Variants in ISLR2 observed in about 807,000 individuals in gnomAD.
The protein encoded by ISLR2 is immunoglobulin superfamily containing leucine rich repeat 2.
ISLR2 carries 16 observed loss-of-function variants against 25.5 expected under a neutral mutation model. The ratio of observed to expected loss-of-function variants is 0.63; its 90% CI spans 0.43 to 0.95. The LOEUF is 0.95. ISLR2 is among the 40% of genes least tolerant of loss of function. The probability of loss-of-function intolerance (pLI) is 0.00; values close to 1 mark genes in which losing one functional copy is unlikely to be tolerated. For missense variants in ISLR2, 883 were observed against 1,030.7 expected (o/e 0.86, Z 1.96); for synonymous variants, 508 against 486.6 (o/e 1.04, Z -0.58).
intron 2 of ISLR2, among the ~76,000 whole-genome samples, chr15:74,114,129 C>A (rs1374178418): frequency 1.3e-5 from 2 of 152,192 alleles, no homozygotes; most frequent in African/African-American, 4.8e-5. Flanking sequence ...AAACTTTCCC[C>A]ACCAGAAAAA....
At chr15:74,141,410 T>G (rs1285945188), downstream of ISLR2, among the ~76,000 whole-genome samples, 9 of 152,326 alleles carry the variant, frequency 5.9e-5, no homozygotes, top group East Asian at 1.5e-3. Flanking sequence ...TTATATAAAT[T>G]ACCGAGGAAC....
intron 2 of ISLR2, among the ~76,000 whole-genome samples, chr15:74,114,983 G>T (rs576202820): frequency 2.0e-5 from 3 of 152,262 alleles, no homozygotes; most frequent in Admixed American, 2.0e-4. Flanking sequence ...GAGAGCACAT[G>T]AACTCTGGAG....
chr15:74,135,101 C>T lies in ISLR2; in HGVS notation c.*109C>T. 2 of 1,347,208 alleles carry T rather than the reference C, an allele frequency of 1.5e-6. No homozygotes were observed. Among genetic ancestry groups the T allele is most frequent in the Admixed American group, 2.3e-5 (1 of 44,288 alleles). The allele number at this position is 1,347,208 out of a possible 1,614,324, so 83.5% of individuals were successfully genotyped here. On this transcript the variant is annotated 3_prime_UTR_variant, in exon 3 of 3. Coordinates refer to ENST00000453268, the MANE Select transcript of ISLR2 (RefSeq NM_020851.3). Reference sequence around the variant, plus strand: ...CCCCCGTCCCCAACCTTCACCTACTCCTCCCCCTTACTACTCCCCAACCTT... The same window carrying T: ...CCCCCGTCCCCAACCTTCACCTACTTCTCCCCCTTACTACTCCCCAACCTT...
intron 2 of ISLR2, among the ~76,000 whole-genome samples, chr15:74,119,649 A>G (rs2072237410): frequency 6.6e-6 from 1 of 152,240 alleles, no homozygotes; most frequent in African/African-American, 2.4e-5. Context: ...TGAGGTGATT[A>G]AAATGTTAAT....
intron 2 of ISLR2, among the ~76,000 whole-genome samples, chr15:74,105,864 C>T (rs1396675097): frequency 2.0e-5 from 3 of 152,068 alleles, no homozygotes; most frequent in African/African-American, 4.8e-5. Context: ...TATACTAACC[C>T]TCAAGTCTAT....
In ISLR2 at chr15:74,134,614, C is replaced by A. The variant is rs1314945296; in HGVS notation, c.1860C>A (p.His620Gln). ...GAACCHLLAK[H>Q]PGKPYRLILR... Reference sequence around the variant, plus strand: ...CCTGCTGCCATCTGCTGGCTAAACACCCGGGCAAGCCCTACCGTCTGATCC... The same window carrying A: ...CCTGCTGCCATCTGCTGGCTAAACAACCGGGCAAGCCCTACCGTCTGATCC... The change falls in exon 3 of 3, where the codon CAC (histidine) becomes CAA (glutamine). Residue 620 changes from histidine (H) to glutamine (Q), a missense_variant. Transcript: ENST00000453268. 10 of 1,614,124 alleles carry A rather than the reference C, an allele frequency of 6.2e-6. No homozygotes were observed. The highest frequency in any genetic ancestry group is 6.8e-6 in the Non-Finnish European group (8 of 1,180,022).
At chr15:74,113,083 A>G (rs968564922) in intron 2 of ISLR2, among the ~76,000 whole-genome samples, 6 of 152,230 alleles carry the variant, frequency 3.9e-5, no homozygotes, top group African/African-American at 1.4e-4. Flanking sequence ...ATCAGGCATT[A>G]GATTCTCATA....
rs969977188 is a variant in ISLR2, at chr15:74,136,010, G to A, written c.*1018G>A. 4.2e-5 allele frequency: 7 copies of A among 167,170 alleles called. No individual in the cohort carries two copies. Among genetic ancestry groups the A allele is most frequent in the African/African-American group, 1.7e-4 (7 of 41,552 alleles). The allele number at this position is 167,170 out of a possible 1,614,324, so 10.4% of individuals were successfully genotyped here. A position where few individuals can be genotyped will look rare whatever the true frequency, so the allele number is the denominator to read the frequency against. On this transcript the variant is annotated 3_prime_UTR_variant, in exon 3 of 3. Coordinates refer to ENST00000453268, the MANE Select transcript of ISLR2 (RefSeq NM_020851.3). ...CCTGTTTTCGTTGTTTTCAAAGACAGCGACATTTCGGGTCTGGTGCTAACA... is the reference window on the plus strand; with the variant it reads ...CCTGTTTTCGTTGTTTTCAAAGACAACGACATTTCGGGTCTGGTGCTAACA...
intron 2 of ISLR2, among the ~76,000 whole-genome samples, chr15:74,111,148 A>AAC (rs1555448291): frequency 3.3e-5 from 5 of 151,654 alleles, no homozygotes; most frequent in African/African-American, 1.2e-4. Flanking sequence ...TAAAAAAAAA[A>AAC]AAAAAAAAAA....
upstream of ISLR2, chr15:74,128,066 A>G (rs747979667): frequency 1.9e-4 from 38 of 201,660 alleles, no homozygotes; most frequent in Non-Finnish European, 3.2e-4. Context: ...CGGCGGCGGG[A>G]TGAGGTCTTG....
At position 74,108,621 on chromosome 15, in the gene ISLR2, C is replaced by G. The variant is rs1595936333; in HGVS notation, n.228+4707C>G. Among the ~76,000 whole-genome samples the G allele has an allele frequency of 3.3e-5, 5 of 152,200 alleles. No homozygotes were observed. The South Asian group carries it at 8.3e-4, about 25-fold the overall frequency. ...CTGGAGAAGGGCCTCTGGAAATCAC[C>G]ATTTTGGGGATTCATTCCAATCATC... On this transcript the variant is annotated intron_variant and non_coding_transcript_variant, in intron 2 of 3. Transcript: ENST00000561975.
At position 74,108,882 on chromosome 15, in the gene ISLR2, T is replaced by C. The variant is rs1270181922; in HGVS notation, n.228+4968T>C. Among the ~76,000 whole-genome samples the C allele has an allele frequency of 2.0e-5, 3 of 152,120 alleles. No individual in the cohort carries two copies. In the East Asian group the frequency reaches 5.8e-4, roughly 30 times the overall value. On this transcript the variant is annotated intron_variant and non_coding_transcript_variant, in intron 2 of 3. Coordinates refer to the ISLR2 transcript ENST00000561975. ...CGTGGAGGCCACCACAGGGTGAGGG[T>C]ATCCAGACAGAGGACCTAGCATGTG...
downstream of ISLR2, among the ~76,000 whole-genome samples, chr15:74,141,299 A>G (rs942616349): frequency 6.6e-6 from 1 of 152,228 alleles, no homozygotes; most frequent in African/African-American, 2.4e-5. Context: ...GTTTTGGCAA[A>G]TTAAATGCAT....
Position 74,132,807 on chromosome 15 carries a change from G to A in ISLR2, c.53G>A (p.Gly18Glu), listed in dbSNP as rs1304063016. 1.9e-6 allele frequency: 3 copies of A among 1,613,996 alleles called. No homozygotes were observed. Among genetic ancestry groups the A allele is most frequent in the African/African-American group, 1.3e-5 (1 of 74,936 alleles). The change falls in exon 3 of 3, where the codon GGA becomes GAA. Residue 18 changes from glycine (G) to glutamate (E), a missense_variant. By Grantham distance (98) the Gly-to-Glu change is moderately conservative. This residue lies in a region of ISLR2 where 271 missense variants were observed against 387.9 expected (regional missense o/e 0.70). Coordinates refer to ENST00000453268, the MANE Select transcript of ISLR2 (RefSeq NM_020851.3). This position sits in a 1 kb window ranked among gnomAD's most constrained non-coding sequence, Gnocchi z 4.3. ...WLVWALLGVA[G>E]SCPEPCACVD... ...GTCTGGGCGCTTCTAGGAGTGGCCGGATCATGCCCGGAGCCGTGCGCCTGC... is the reference window on the plus strand; with the variant it reads ...GTCTGGGCGCTTCTAGGAGTGGCCGAATCATGCCCGGAGCCGTGCGCCTGC...
downstream of ISLR2, among the ~76,000 whole-genome samples, chr15:74,137,940 T>C (rs2072585602): frequency 6.6e-6 from 1 of 152,096 alleles, no homozygotes; most frequent in Non-Finnish European, 1.5e-5. Context: ...AGCTGTTTTC[T>C]TTCTTTTTTT....
chr15:74,126,415 C>T (rs931217157), upstream of ISLR2: 5 of 137,222 alleles, frequency 3.6e-5, no homozygotes, highest in African/African-American at 1.5e-4. Flanking sequence ...AATGCAGTGG[C>T]ACTATCTCGG....
upstream of ISLR2, among the ~76,000 whole-genome samples, chr15:74,124,643 A>G (rs1454032759): frequency 3.3e-5 from 5 of 152,082 alleles, no homozygotes; most frequent in Non-Finnish European, 7.4e-5. Context: ...CCTGTAATCC[A>G]AGCAACTCGG....
downstream of ISLR2, among the ~76,000 whole-genome samples, chr15:74,139,553 T>C (rs566225832): frequency 1.4e-3 from 212 of 152,312 alleles, 1 homozygote; most frequent in Middle Eastern, 3.4e-3. Flanking sequence ...TATCCAGAGA[T>C]GGGGAGCTCA....
chr15:74,134,379 A>T lies in ISLR2; in HGVS notation c.1625A>T (p.Gln542Leu), dbSNP rs757702455. Residue 542 changes from glutamine (Q) to leucine (L), a missense_variant, in exon 3 of 3, where the codon CAG becomes CTG. By Grantham distance (113) the Gln-to-Leu change is moderately radical (BLOSUM62 -2). Transcript: ENST00000453268. ...LCPAGGGAAV[Q>L]WSRVEEGVNA... The stretch of plus-strand genomic sequence containing the variant: ...CCAGCGGGGGGCGGCGCGGCAGTGC[A>T]GTGGTCCCGCGTAGAGGAAGGCGTC... The T allele has an allele frequency of 6.2e-7, 1 of 1,606,888 alleles. No homozygotes were observed. Among genetic ancestry groups the T allele is most frequent in the African/African-American group, 1.3e-5 (1 of 75,018 alleles).
Sources: allele counts gnomAD v4.1 joint callset (sites outside exome capture counted in the v4.1 genomes callset), GRCh38; gene constraint gnomAD v4.1.1; regional missense constraint gnomAD v4.1.1; non-coding constraint Gnocchi (gnomAD v3.1); transcripts MANE v1.5; gene names NCBI Gene and HGNC (gene_info 2026-07-23, HGNC 2026-07-21).